Variants in SYPL2 observed in about 807,000 individuals in gnomAD.
The protein encoded by SYPL2 is synaptophysin like 2.
SYPL2 carries 24 observed loss-of-function variants against 31.3 expected under a neutral mutation model. That is an observed-to-expected ratio of 0.77 (90% CI 0.56 to 1.08). The LOEUF is 1.08. Among genes scored for constraint, SYPL2 ranks in the 50% least tolerant of loss-of-function variants. The pLI is 0.00. For synonymous variants in SYPL2, 144 were observed against 143.1 expected, an observed-to-expected ratio of 1.01 and a Z score of -0.05; for missense variants, 342 against 360.1, an observed-to-expected ratio of 0.95 and a Z score of 0.41.
At chr1:109,467,193 A>C in intron 2 of SYPL2, 60 bp downstream of exon 2, 1 of 1,375,594 alleles carries the variant, frequency 7.3e-7, no homozygotes, top group Non-Finnish European at 9.6e-7. Context: ...GCTGACCTGA[A>C]GCAATGGAGC....
intron 2 of SYPL2, among the ~76,000 whole-genome samples, chr1:109,473,269 T>G (rs960063519): frequency 5.9e-5 from 9 of 152,322 alleles, no homozygotes; most frequent in African/African-American, 2.2e-4. Context: ...CATCATTTAA[T>G]TCAGGAGAGG....
chr1:109,470,861 G>C (rs545360982), intron 2 of SYPL2, among the ~76,000 whole-genome samples: 1 of 152,312 alleles, frequency 6.6e-6, no homozygotes, highest in East Asian at 1.9e-4. Context: ...GCACATGGTA[G>C]AGATCTCTTC....
At chr1:109,471,510 C>T (rs752849668) in intron 2 of SYPL2, among the ~76,000 whole-genome samples, 1 of 152,144 alleles carries the variant, frequency 6.6e-6, no homozygotes, top group Non-Finnish European at 1.5e-5. Context: ...AATCGGTGCT[C>T]TCTAAGATAG....
In SYPL2 at chr1:109,479,556, C is replaced by G; in HGVS notation, c.*8C>G. 1 of 1,610,884 alleles carries G rather than the reference C, an allele frequency of 6.2e-7. No individual in the cohort carries two copies. Among genetic ancestry groups the G allele is most frequent in the Non-Finnish European group, 8.5e-7 (1 of 1,177,860 alleles). On this transcript the variant is annotated 3_prime_UTR_variant, in exon 6 of 6. Coordinates refer to ENST00000369872, the MANE Select transcript of SYPL2 (RefSeq NM_001040709.2). ...GCAGTGGAGAAGCAGTAAGCAGCCCCCCACCTGGCTATTCCCGAACTGGAC... is the reference window on the plus strand; with the variant it reads ...GCAGTGGAGAAGCAGTAAGCAGCCCGCCACCTGGCTATTCCCGAACTGGAC...
In SYPL2 at chr1:109,477,831, C is replaced by T. The variant is rs993888687; in HGVS notation, c.470C>T (p.Thr157Ile). 3.7e-6 allele frequency: 6 copies of T among 1,608,856 alleles called. No individual in the cohort carries two copies. The African/African-American group carries it at 8.0e-5, about 21-fold the overall frequency. ...KRFPLVDFCV[T>I]VSFTFFWLVA... ...TGCTCCTCCCAGGACTTCTGTGTGA[C>T]TGTCTCCTTCACCTTCTTCTGGCTG... is the stretch of plus-strand genomic sequence containing the variant. The change falls in exon 5 of 6, where the codon ACT (threonine) becomes ATT (isoleucine). Residue 157 changes from threonine (T) to isoleucine (I), a missense_variant. Coordinates refer to ENST00000369872, the MANE Select transcript of SYPL2 (RefSeq NM_001040709.2).
chr1:109,477,633 G>A (rs536524118), intron 4 of SYPL2, among the ~76,000 whole-genome samples, 185 bp from the exon 5 acceptor site: 1 of 152,280 alleles, frequency 6.6e-6, no homozygotes, highest in South Asian at 2.1e-4. Context: ...TAGCCTGAGT[G>A]GCAGGACTCC....
intron 2 of SYPL2, among the ~76,000 whole-genome samples, chr1:109,471,503 C>T (rs928318250): frequency 6.6e-6 from 1 of 152,134 alleles, no homozygotes; most frequent in Non-Finnish European, 1.5e-5. Flanking sequence ...GTTTTAGAAT[C>T]GGTGCTCTCT....
At chr1:109,472,600 CTTTACT>C (rs1655866434) in intron 2 of SYPL2, among the ~76,000 whole-genome samples, 1 of 117,718 alleles carries the variant, frequency 8.5e-6, no homozygotes, top group African/African-American at 3.3e-5. Flanking sequence ...CTTTCTTTTT[CTTTACT>C]TTTTTTTTTT....
Position 109,467,114 on chromosome 1 carries a change from T to C in SYPL2, c.110T>C (p.Phe37Ser), listed in dbSNP as rs752213616. ...CGGCGGCTGGAGGAGCCGCTGGGCT[T>C]CATCAAAGTTCTCCAGTGGGTGAGT... Reference protein sequence around the residue: ...RWRRLEEPLGFIKVLQWLFAI... With the variant: ...RWRRLEEPLGSIKVLQWLFAI... The change falls in exon 2 of 6, where the codon TTC (phenylalanine) becomes TCC (serine). Residue 37 changes from phenylalanine to serine, a missense_variant. Transcript: ENST00000369872. 1.2e-5 allele frequency: 18 copies of C among 1,543,952 alleles called. No individual in the cohort carries two copies. The highest frequency in any genetic ancestry group is 1.4e-5 in the African/African-American group (1 of 72,854).
At position 109,476,887 on chromosome 1, in the gene SYPL2, C is replaced by T; in HGVS notation, c.366C>T (p.Gly122=). Residue 122 remains glycine (G), a synonymous_variant, in exon 4 of 6, where the codon GGC becomes GGT. Transcript: ENST00000369872. The part of the protein sequence containing the change: ...SAPAEFFVTL[G]IFSFFYTMAA... ...CCGCCGAGTTCTTCGTGACCCTTGGCATCTTTTCCTTCTTCTATACCATGG... is the reference window on the plus strand; with the variant it reads ...CCGCCGAGTTCTTCGTGACCCTTGGTATCTTTTCCTTCTTCTATACCATGG... 6.2e-7 allele frequency: 1 copy of T among 1,614,248 alleles called. No homozygotes were observed.
At chr1:109,472,605 CTTTTTTTT>C (rs59224604) in intron 2 of SYPL2, among the ~76,000 whole-genome samples, 24 of 71,076 alleles carry the variant, frequency 3.4e-4, no homozygotes, top group Non-Finnish European at 1.2e-4. Context: ...TTTTTCTTTA[CTTTTTTTT>C]TTTTTTTTTT....
At chr1:109,477,788 G>A in intron 4 of SYPL2, 30 bp from the exon 5 acceptor site, 2 of 1,568,436 alleles carry the variant, frequency 1.3e-6, no homozygotes, top group Non-Finnish European at 1.7e-6. Flanking sequence ...GCCTTTCTGA[G>A]TGTATTTCCC....
rs780112600 is a variant in SYPL2 at position 109,478,122 on chromosome 1, C to G, written c.648+113C>G. On this transcript the variant is annotated intron_variant, in intron 5 of 5. Coordinates refer to ENST00000369872, the MANE Select transcript of SYPL2 (RefSeq NM_001040709.2). The surrounding 1 kb of genome is among the most constrained non-coding windows in gnomAD (Gnocchi z 4.0). ...TGTCCCAGAGCTGGTGTCCCCTGCA[C>G]CTGGAGCTGGTGCCCTCACTGCGCT... 5 of 1,482,080 alleles carry G rather than the reference C, an allele frequency of 3.4e-6. No individual in the cohort carries two copies. In the African/African-American group the frequency reaches 5.6e-5, roughly 17 times the overall value. 91.8% of individuals were successfully genotyped at this position (1,482,080 alleles called of 1,614,324 possible). A position where few individuals can be genotyped will look rare whatever the true frequency, so the allele number is the denominator to read the frequency against.
chr1:109,467,004 C>A (rs1048569353), intron 1 of SYPL2, 55 bp from the exon 2 acceptor site: 1 of 1,528,754 alleles, frequency 6.5e-7, no homozygotes, highest in African/African-American at 1.4e-5. Context: ...AGGGGACCAG[C>A]GCCTTCCCAG....
At chr1:109,467,000 C>T (rs1347710148) in intron 1 of SYPL2, 59 bp from the exon 2 acceptor site, 2 of 1,531,612 alleles carry the variant, frequency 1.3e-6, no homozygotes, top group East Asian at 5.0e-5. Flanking sequence ...GGCAAGGGGA[C>T]CAGCGCCTTC....
At chr1:109,476,573 C>G (rs1656003232) in intron 3 of SYPL2, among the ~76,000 whole-genome samples, 1 of 152,134 alleles carries the variant, frequency 6.6e-6, no homozygotes, top group African/African-American at 2.4e-5. Flanking sequence ...TGGGGAGCAG[C>G]TGAGGGGAAG....
In SYPL2 at chr1:109,477,824, T is replaced by G. The variant is rs897956164; in HGVS notation, c.463T>G (p.Cys155Gly). ...ENKRFPLVDF[C>G]VTVSFTFFWL... Reference sequence around the variant, plus strand: ...ATCCCTCTGCTCCTCCCAGGACTTCTGTGTGACTGTCTCCTTCACCTTCTT... The same window carrying G: ...ATCCCTCTGCTCCTCCCAGGACTTCGGTGTGACTGTCTCCTTCACCTTCTT... The change falls in exon 5 of 6, where the codon TGT becomes GGT. Residue 155 changes from cysteine (C) to glycine (G), a missense_variant. Coordinates refer to ENST00000369872, the MANE Select transcript of SYPL2 (RefSeq NM_001040709.2). 1.2e-6 allele frequency: 2 copies of G among 1,606,854 alleles called. No homozygotes were observed. The highest frequency in any genetic ancestry group is 2.7e-5 in the African/African-American group (2 of 74,876).
chr1:109,469,670 G>A lies in SYPL2; in HGVS notation c.129+2537G>A, dbSNP rs950647015. On this transcript the variant is annotated intron_variant, in intron 2 of 5. Coordinates refer to ENST00000369872, the MANE Select transcript of SYPL2 (RefSeq NM_001040709.2). The stretch of plus-strand genomic sequence containing the variant: ...CAAGCCTGGGCAATAAGGGGAGGTC[G>A]CGTCTCTATTAAAAAATAAAATTAG... Among the ~76,000 whole-genome samples the A allele has an allele frequency of 7.9e-5, 12 of 151,386 alleles. No individual in the cohort carries two copies. The East Asian group carries it at 2.1e-3, about 27-fold the overall frequency.
intron 3 of SYPL2, 44 bp downstream of exon 3, chr1:109,475,749 G>T (rs373565681): frequency 5.2e-5 from 83 of 1,591,528 alleles, no homozygotes; most frequent in Non-Finnish European, 6.7e-5. Flanking sequence ...TCTCTCACTT[G>T]ACTGGCAGGA....
Sources: gnomAD v4.1 joint callset for allele counts (sites outside exome capture counted in the v4.1 genomes callset) on GRCh38, gnomAD v4.1.1 for gene constraint, Gnocchi (gnomAD v3.1) non-coding constraint, MANE v1.5 for transcripts, NCBI Gene and HGNC (gene_info 2026-07-23, HGNC 2026-07-21) for gene names.